ABCB11: variants seen among roughly 807,000 people sequenced by gnomAD.
ABCB11 encodes the protein ATP binding cassette subfamily B member 11, also known as bile salt export pump.
In ABCB11, 95 loss-of-function variants were observed where a neutral mutation model predicts 148.0. The ratio of observed to expected loss-of-function variants is 0.64; its 90% CI spans 0.54 to 0.76. The LOEUF (loss-of-function observed/expected upper bound fraction) is 0.76. Among genes scored for constraint, ABCB11 ranks in the 30% least tolerant of loss-of-function variants. The pLI is 0.00. For synonymous variants in ABCB11, 591 were observed against 555.4 expected (o/e 1.06, Z -0.90); for missense variants, 1,523 against 1,617.8 (o/e 0.94, Z 1.01).
chr2:168,939,800 C>A (rs1691983968), intron 21 of ABCB11, among the ~76,000 whole-genome samples: 1 of 152,022 alleles, frequency 6.6e-6, no homozygotes, highest in Admixed American at 6.6e-5. Flanking sequence ...CTATTGGTGC[C>A]ATTTTTCCAA....
rs1161207608 is a variant in ABCB11, at chr2:168,995,554, A to G, written c.478-72T>C. ...TTGTTAATTTCTTTTTTCAGAAGAA[A>G]GTACTTTCAATACAACAGTTGAGAA... is the stretch of plus-strand genomic sequence containing the variant. On this transcript the variant is annotated intron_variant, in intron 6 of 27. Coordinates refer to ENST00000650372, the MANE Select transcript of ABCB11 (RefSeq NM_003742.4). 1.7e-5 allele frequency: 25 copies of G among 1,505,464 alleles called. 1 individual carries two copies. Among genetic ancestry groups the G allele is most frequent in the Non-Finnish European group, 2.2e-5 (24 of 1,110,782 alleles). 93.3% of individuals were successfully genotyped at this position (1,505,464 alleles called of 1,614,324 possible). A position where few individuals can be genotyped will look rare whatever the true frequency, so the allele number is the denominator to read the frequency against.
chr2:169,003,953 T>G (rs1694951145), intron 5 of ABCB11, among the ~76,000 whole-genome samples: 1 of 152,190 alleles, frequency 6.6e-6, no homozygotes, highest in South Asian at 2.1e-4. Context: ...GATAATTGTT[T>G]TGGTTAATGA....
Position 169,003,351 on chromosome 2 carries a change from T to TGTGTGTGTGTGTGC in ABCB11, c.390-6630_390-6629insGCACACACACACAC, listed in dbSNP as rs1553471294. ...GTGTGTGTGTGTGTGTGTGTGTGCA[T>TGTGTGTGTGTGTGC]ATATATATATATGCACACACACAAA... On this transcript the variant is annotated intron_variant, in intron 5 of 27. Coordinates refer to ENST00000650372, the MANE Select transcript of ABCB11 (RefSeq NM_003742.4). Among the ~76,000 whole-genome samples, 7 of 145,666 alleles carry TGTGTGTGTGTGTGC rather than the reference T, an allele frequency of 4.8e-5. No individual in the cohort carries two copies. In the South Asian group the frequency reaches 6.5e-4, roughly 13 times the overall value.
intron 19 of ABCB11, among the ~76,000 whole-genome samples, chr2:168,946,164 C>A (rs1692295985): frequency 1.3e-5 from 2 of 151,854 alleles, no homozygotes; most frequent in South Asian, 4.2e-4. Context: ...GGTGAGGGAA[C>A]TGGGAAGGTC....
At chr2:169,016,202 TAC>T (rs1695351204) in intron 3 of ABCB11, among the ~76,000 whole-genome samples, 1 of 152,180 alleles carries the variant, frequency 6.6e-6, no homozygotes, top group Non-Finnish European at 1.5e-5. Context: ...AAGCTAATCT[TAC>T]CACTCCCACT....
chr2:168,943,932 A>T (rs1208358025), intron 21 of ABCB11, among the ~76,000 whole-genome samples: 7 of 151,928 alleles, frequency 4.6e-5, no homozygotes, highest in Non-Finnish European at 7.4e-5. Context: ...GGGTTTTTTA[A>T]AAAATTTTCA....
chr2:168,915,892 G>A (rs187460418), downstream of ABCB11, among the ~76,000 whole-genome samples: 57 of 152,244 alleles, frequency 3.7e-4, no homozygotes, highest in Admixed American at 5.9e-4. Context: ...AAAGAAAAGC[G>A]TGTCGGATTG....
intron 5 of ABCB11, among the ~76,000 whole-genome samples, chr2:169,000,724 T>C (rs1484001976): frequency 6.6e-6 from 1 of 152,172 alleles, no homozygotes; most frequent in African/African-American, 2.4e-5. Flanking sequence ...TCTCACTTTA[T>C]TATTCTTTTT....
At chr2:168,995,975 TAAAAAAA>T (rs3083997) in intron 6 of ABCB11, among the ~76,000 whole-genome samples, 1 of 63,030 alleles carries the variant, frequency 1.6e-5, no homozygotes, top group Non-Finnish European at 2.8e-5. Context: ...TTTCCCTAAC[TAAAAAAA>T]AAAAAAAAAA....
chr2:168,933,757 T>TGTTTC lies in ABCB11; in HGVS notation c.3057-1225_3057-1224insGAAAC, dbSNP rs1370977080. ...TTTTCTGTAGTTCCACTTTTTGTTT[T>TGTTTC]GTTTTGAGATGGAGTCTCACTCTGT... is the stretch of plus-strand genomic sequence containing the variant. On this transcript the variant is annotated intron_variant, in intron 23 of 27. Transcript: ENST00000650372. 7.9e-4 allele frequency among the ~76,000 whole-genome samples: 120 copies of TGTTTC among 151,930 alleles called. 1 individual carries two copies. The highest frequency in any genetic ancestry group is 7.2e-4 in the Admixed American group (11 of 15,266).
chr2:168,960,859 T>G (rs1246136078), intron 18 of ABCB11, among the ~76,000 whole-genome samples: 1 of 151,736 alleles, frequency 6.6e-6, no homozygotes, highest in Non-Finnish European at 1.5e-5. Flanking sequence ...AAATTAAACA[T>G]AAAGAGAAGA....
chr2:169,023,723 T>C (rs901905357), intron 1 of ABCB11, among the ~76,000 whole-genome samples: 1 of 152,210 alleles, frequency 6.6e-6, no homozygotes, highest in Non-Finnish European at 1.5e-5. Flanking sequence ...TTCGTAGATA[T>C]ATAGATACGC....
At position 168,975,628 on chromosome 2, in the gene ABCB11, T is replaced by TATAC. The variant is rs71297457; in HGVS notation, c.1308+948_1308+949insGTAT. On this transcript the variant is annotated intron_variant, in intron 12 of 27. Transcript: ENST00000650372. ...ATATTTAAATATTTATAGATAAATA[T>TATAC]ATATTTACATATATATGTATTATAT... 1.4e-4 allele frequency among the ~76,000 whole-genome samples: 4 copies of TATAC among 29,080 alleles called. 1 individual carries two copies. The highest frequency in any genetic ancestry group is 2.0e-3 in the South Asian group (2 of 1,008). The allele number at this position is 29,080 out of a possible 152,430, so 19.1% of individuals were successfully genotyped here. A position where few individuals can be genotyped will look rare whatever the true frequency, so the allele number is the denominator to read the frequency against.
intron 19 of ABCB11, among the ~76,000 whole-genome samples, chr2:168,952,246 T>C (rs750627873): frequency 1.4e-4 from 21 of 151,740 alleles, no homozygotes; most frequent in Non-Finnish European, 2.4e-4. Context: ...CCTTGTAGAA[T>C]GAGTTAGGGA....
intron 5 of ABCB11, among the ~76,000 whole-genome samples, chr2:169,003,667 A>G (rs7566984): frequency 6.6e-6 from 1 of 152,122 alleles, no homozygotes; most frequent in Non-Finnish European, 1.5e-5. Flanking sequence ...AAGGAATCAC[A>G]CACTGTTTTC....
intron 27 of ABCB11, among the ~76,000 whole-genome samples, chr2:168,924,403 C>A (rs1012883156): frequency 3.3e-5 from 5 of 151,984 alleles, no homozygotes; most frequent in African/African-American, 1.2e-4. Context: ...TGATTATTTG[C>A]CTTTGGAAAA....
chr2:169,006,854 T>C (rs1474717937), intron 5 of ABCB11, among the ~76,000 whole-genome samples: 1 of 152,158 alleles, frequency 6.6e-6, no homozygotes, highest in Non-Finnish European at 1.5e-5. Context: ...AACAAAAAAT[T>C]GCAAAATATT....
intron 5 of ABCB11, among the ~76,000 whole-genome samples, chr2:169,004,490 CTAAG>C (rs1573967301): frequency 6.6e-6 from 1 of 152,264 alleles, no homozygotes; most frequent in Non-Finnish European, 1.5e-5. Context: ...ATGCATTTCT[CTAAG>C]TGTGTCCTTG....
chr2:168,964,464 A>G (rs1693211506), intron 17 of ABCB11, among the ~76,000 whole-genome samples, 156 bp from the exon 18 acceptor site: 3 of 151,868 alleles, frequency 2.0e-5, no homozygotes, highest in Middle Eastern at 3.4e-3. Flanking sequence ...TAGGTTTGAC[A>G]GAGCTAATCT....
Sources: allele counts gnomAD v4.1 joint callset (sites outside exome capture counted in the v4.1 genomes callset), GRCh38; gene constraint gnomAD v4.1.1; transcripts MANE v1.5; gene names NCBI Gene and HGNC (gene_info 2026-07-23, HGNC 2026-07-21).